The following ATRX variants were observed in gnomAD, a reference collection of about 807,000 sequenced individuals.
ATRX encodes chromatin remodeler ATRX.
A neutral mutation model predicts 172.6 loss-of-function variants in ATRX; 12 were observed. The ratio of observed to expected loss-of-function variants is 0.07; its 90% CI spans 0.04 to 0.11. The LOEUF is 0.11. Among genes scored for constraint, ATRX ranks in the 10% least tolerant of loss-of-function variants. ATRX has a pLI of 1.00. For synonymous variants in ATRX, 674 were observed against 594.7 expected (o/e 1.13, Z -1.94); for missense variants, 1,368 against 1,767.4 (o/e 0.77, Z 4.05).
chrX:77,676,075 T>C (rs2070847949), intron 10 of ATRX, 151 bp downstream of exon 10: 1 of 468,667 alleles, frequency 2.1e-6, no homozygotes, highest in Non-Finnish European at 3.6e-6. Context: ...TTCTGGCCTT[T>C]CTTTCAAACT....
At chrX:77,784,531 A>G (rs1231538305) in intron 1 of ATRX, among the ~76,000 whole-genome samples, 1 of 112,048 alleles carries the variant, frequency 8.9e-6, no homozygotes, top group Non-Finnish European at 1.9e-5. Flanking sequence ...TACACCATCC[A>G]TGCATATGAA....
At chrX:77,527,838 G>A (rs1419228818) in intron 30 of ATRX, among the ~76,000 whole-genome samples, 6 of 111,657 alleles carry the variant, frequency 5.4e-5, no homozygotes, top group Non-Finnish European at 1.1e-4. Flanking sequence ...TGCAATTCAG[G>A]GGAAATAGCC....
intron 1 of ATRX, among the ~76,000 whole-genome samples, chrX:77,761,528 C>A (rs2075716539): frequency 9.0e-6 from 1 of 111,093 alleles, no homozygotes; most frequent in Non-Finnish European, 1.9e-5. Context: ...CAGCGAGAGA[C>A]CCTGTCTCAA....
intron 1 of ATRX, among the ~76,000 whole-genome samples, chrX:77,737,209 G>A (rs1267773167): frequency 1.8e-5 from 2 of 110,358 alleles, no homozygotes; most frequent in Non-Finnish European, 3.8e-5. Context: ...CGAACCACGC[G>A]GTCAGGAGTT....
intron 2 of ATRX, among the ~76,000 whole-genome samples, chrX:77,714,572 C>T (rs1364705665): frequency 8.9e-6 from 1 of 111,856 alleles, no homozygotes; most frequent in African/African-American, 3.2e-5. Context: ...CCTAAGTTAA[C>T]ATCACCAGTA....
At chrX:77,624,098 G>A (rs1208729576) in intron 19 of ATRX, among the ~76,000 whole-genome samples, 6 of 111,866 alleles carry the variant, frequency 5.4e-5, no homozygotes, top group African/African-American at 1.9e-4. Context: ...CGGGTGCGGT[G>A]GCTCACGCCT....
At chrX:77,541,244 T>G (rs782288784) in intron 30 of ATRX, among the ~76,000 whole-genome samples, 7 of 112,126 alleles carry the variant, frequency 6.2e-5, no homozygotes, top group Admixed American at 1.9e-4. Flanking sequence ...CCTGGACACA[T>G]GCACCCTCCC....
rs1298528725 is a variant in ATRX at position 77,504,949 on chromosome X, T to C, written c.*3402A>G. ...TAAAATGTTGTGAAGATGAAAGCAT[T>C]TCTGAAACTTGATCACTCCTTTGGG... On this transcript the variant is annotated 3_prime_UTR_variant, in exon 35 of 35. Coordinates refer to ENST00000373344, the MANE Select transcript of ATRX (RefSeq NM_000489.6). 1 of 160,278 alleles carries C rather than the reference T, an allele frequency of 6.2e-6. No individual in the cohort carries two copies. The highest frequency in any genetic ancestry group is 1.2e-5 in the Non-Finnish European group (1 of 82,798). The allele number at this position is 160,278 out of a possible 1,213,427, so 13.2% of individuals were successfully genotyped here.
At chrX:77,759,295 T>C (rs2075628927) in intron 1 of ATRX, among the ~76,000 whole-genome samples, 1 of 110,909 alleles carries the variant, frequency 9.0e-6, no homozygotes, top group Admixed American at 9.7e-5. Context: ...AACTCTAGCA[T>C]ATGTGCAAAG....
At chrX:77,570,614 G>A (rs782703440) in intron 28 of ATRX, among the ~76,000 whole-genome samples, 3 of 111,430 alleles carry the variant, frequency 2.7e-5, no homozygotes, top group African/African-American at 6.5e-5. Context: ...ATACAACACA[G>A]GACAAAGTCT....
At chrX:77,779,639 A>G (rs2076498290) in intron 1 of ATRX, among the ~76,000 whole-genome samples, 1 of 112,148 alleles carries the variant, frequency 8.9e-6, no homozygotes, top group African/African-American at 3.2e-5. Flanking sequence ...CCCTCACTTG[A>G]CTAAGAATGC....
intron 1 of ATRX, among the ~76,000 whole-genome samples, chrX:77,762,301 T>G (rs1380606252): frequency 1.3e-5 from 1 of 74,356 alleles, no homozygotes; most frequent in Non-Finnish European, 2.4e-5. Context: ...CAAGACTCTG[T>G]CTCAAAAAAA....
intron 34 of ATRX, among the ~76,000 whole-genome samples, chrX:77,520,480 G>A (rs182828053): frequency 1.8e-5 from 2 of 111,117 alleles, no homozygotes; most frequent in African/African-American, 6.5e-5. Flanking sequence ...AAATACAATT[G>A]GCAAATGTGG....
intron 28 of ATRX, among the ~76,000 whole-genome samples, chrX:77,560,912 T>C (rs1448900620): frequency 8.9e-6 from 1 of 111,949 alleles, no homozygotes; most frequent in Non-Finnish European, 1.9e-5. Flanking sequence ...TTAAACAATA[T>C]GTATAACATA....
chrX:77,516,869 A>G (rs1557039332), intron 34 of ATRX, among the ~76,000 whole-genome samples: 2 of 112,076 alleles, frequency 1.8e-5, no homozygotes, highest in African/African-American at 6.5e-5. Flanking sequence ...AAATGAAATC[A>G]TATCAAGTTT....
intron 31 of ATRX, among the ~76,000 whole-genome samples, chrX:77,523,047 T>C (rs782497899): frequency 3.8e-4 from 42 of 111,083 alleles, no homozygotes; most frequent in Non-Finnish European, 7.0e-4. Context: ...TCTTTAAGTG[T>C]AAACTGTTTT....
At position 77,519,522 on chromosome X, in the gene ATRX, C is replaced by G. The variant is rs2063157319; in HGVS notation, c.7200+1266G>C. ...GGCTGAGGTCAGAGGATCGTTTAAG[C>G]CCGAGAGTTTGAGACCAGCCTGGGA... On this transcript the variant is annotated intron_variant, in intron 34 of 34. Transcript: ENST00000373344. 2.7e-5 allele frequency among the ~76,000 whole-genome samples: 3 copies of G among 110,839 alleles called. No homozygotes were observed. In the South Asian group the frequency reaches 1.2e-3, roughly 43 times the overall value.
chrX:77,531,828 G>C (rs782623543), intron 30 of ATRX, among the ~76,000 whole-genome samples: 26 of 111,811 alleles, frequency 2.3e-4, no homozygotes, highest in African/African-American at 8.4e-4. Flanking sequence ...AATAGGAAGA[G>C]AGGAAGTCAA....
At chrX:77,636,694 A>C (rs1275563059) in intron 15 of ATRX, among the ~76,000 whole-genome samples, 1 of 109,265 alleles carries the variant, frequency 9.2e-6, no homozygotes, top group African/African-American at 3.3e-5. Flanking sequence ...CTCACCCTGG[A>C]TATTTCAACA....
Sources: allele counts gnomAD v4.1 joint callset (sites outside exome capture counted in the v4.1 genomes callset), GRCh38; gene constraint gnomAD v4.1.1; transcripts MANE v1.5; gene names NCBI Gene and HGNC (gene_info 2026-07-23, HGNC 2026-07-21).